Variants in DLD observed in about 807,000 individuals in gnomAD.
The protein encoded by DLD is dihydrolipoyl dehydrogenase, mitochondrial.
In DLD, 36 loss-of-function variants were observed where a neutral mutation model predicts 62.2. The ratio of observed to expected loss-of-function variants is 0.58; its 90% CI spans 0.44 to 0.76. The LOEUF is 0.76. Among genes scored for constraint, DLD ranks in the 30% least tolerant of loss-of-function variants. The pLI is 0.00. For synonymous variants in DLD, 204 were observed against 199.6 expected (o/e 1.02, Z -0.19); for missense variants, 541 against 608.6 (o/e 0.89, Z 1.17).
rs151191365 is a variant in DLD at position 107,893,213 on chromosome 7, A to G, written c.53A>G (p.Asn18Ser). 5.0e-5 allele frequency: 81 copies of G among 1,613,666 alleles called. No individual in the cohort carries two copies. The highest frequency in any genetic ancestry group is 5.9e-5 in the Non-Finnish European group (70 of 1,179,722). The change falls in exon 2 of 14, where the codon AAT (asparagine) becomes AGT (serine). Residue 18 changes from asparagine to serine, a missense_variant. Asn to Ser is a conservative substitution (Grantham distance 46). Transcript: ENST00000205402. ...TTCTTTTTCTAGAGAGGCCATTTCA[A>G]TCGAATATCTCATGGCCTACAGGGA... is the stretch of plus-strand genomic sequence containing the variant. ...YCSLAKRGHF[N>S]RISHGLQGLS...
intron 1 of DLD, chr7:107,891,563 C>A (rs766899704): frequency 5.1e-6 from 3 of 587,166 alleles, no homozygotes; most frequent in Non-Finnish European, 9.1e-6. Context: ...ACCCCCAAGC[C>A]TGGGCCGAGG....
At chr7:107,894,880 G>T (rs988235820) in intron 2 of DLD, among the ~76,000 whole-genome samples, 1 of 152,198 alleles carries the variant, frequency 6.6e-6, no homozygotes, top group Non-Finnish European at 1.5e-5. Context: ...TTTATCTGAG[G>T]TACATGCTTA....
intron 2 of DLD, among the ~76,000 whole-genome samples, chr7:107,899,805 A>G (rs1446691093): frequency 6.6e-6 from 1 of 151,252 alleles, no homozygotes; most frequent in Non-Finnish European, 1.5e-5. Context: ...TTTTTTTTTT[A>G]ATTTTGCTTT....
intron 8 of DLD, among the ~76,000 whole-genome samples, chr7:107,907,421 T>C (rs2032034440): frequency 6.6e-6 from 1 of 152,224 alleles, no homozygotes; most frequent in Non-Finnish European, 1.5e-5. Flanking sequence ...AAATCTCTGC[T>C]TGTATACTGT....
intron 1 of DLD, 163 bp downstream of exon 1, chr7:107,891,452 C>G (rs993856123): frequency 2.6e-6 from 2 of 755,052 alleles, no homozygotes; most frequent in African/African-American, 3.5e-5. Context: ...CCCTGGGCTC[C>G]GAGGTGGCCG....
At chr7:107,902,026 C>G (rs926669922) in intron 3 of DLD, among the ~76,000 whole-genome samples, 28 of 152,054 alleles carry the variant, frequency 1.8e-4, no homozygotes, top group Admixed American at 1.6e-3. Context: ...TCTTCTCTTC[C>G]CAGTACTTTT....
rs2116150112 is a variant in DLD at position 107,891,268 on chromosome 7, T to C, written c.18T>C (p.Arg6=). The C allele has an allele frequency of 6.2e-7, 1 of 1,614,086 alleles. No individual in the cohort carries two copies. The highest frequency in any genetic ancestry group is 1.6e-4 in the Middle Eastern group (1 of 6,062). The part of the protein sequence containing the change: MQSWS[R]VYCSLAKRGH... ...GCGGAAAAATGCAGAGCTGGAGTCG[T>C]GTGTACTGCTCCTTGGCCAAGGTGA... Residue 6 remains arginine (R), a synonymous_variant, in exon 1 of 14, where the codon CGT becomes CGC. Coordinates refer to ENST00000205402, the MANE Select transcript of DLD (RefSeq NM_000108.5).
At position 107,920,909 on chromosome 7, in the gene DLD, G is replaced by C. The variant is rs1014744608; in HGVS notation, c.*1650G>C. The C allele has an allele frequency of 3.9e-5, 6 of 152,326 alleles. No individual in the cohort carries two copies. The highest frequency in any genetic ancestry group is 8.8e-5 in the Non-Finnish European group (6 of 68,052). 9.4% of individuals were successfully genotyped at this position (152,326 alleles called of 1,614,324 possible). On this transcript the variant is annotated 3_prime_UTR_variant, in exon 14 of 14. Transcript: ENST00000205402. The stretch of plus-strand genomic sequence containing the variant: ...GAGTTTGCAGTTGCTATCAGCAGGA[G>C]GGTTGGTCTGATATCTGTGTGCTAC...
At chr7:107,892,531 C>CAATTTATTTA (rs1562908951) in intron 1 of DLD, among the ~76,000 whole-genome samples, 136 of 149,706 alleles carry the variant, frequency 9.1e-4, no homozygotes, top group African/African-American at 3.2e-3. Context: ...ACTTTCAGAG[C>CAATTTATTTA]TTTATTTATT....
chr7:107,920,072 C>A lies in DLD; in HGVS notation c.*813C>A, dbSNP rs1332868229. Reference sequence around the variant, plus strand: ...CTAGGCCTGAATGTATCTTTATTTTCATGTTATAGGACAATATTAAGGCAT... The same window carrying A: ...CTAGGCCTGAATGTATCTTTATTTTAATGTTATAGGACAATATTAAGGCAT... On this transcript the variant is annotated 3_prime_UTR_variant, in exon 14 of 14. Transcript: ENST00000205402. 1.3e-5 allele frequency: 2 copies of A among 152,108 alleles called. No homozygotes were observed. Among genetic ancestry groups the A allele is most frequent in the Non-Finnish European group, 2.9e-5 (2 of 67,994 alleles). The allele number at this position is 152,108 out of a possible 1,614,324, so 9.4% of individuals were successfully genotyped here.
At chr7:107,911,349 T>G (rs924021155) in intron 8 of DLD, among the ~76,000 whole-genome samples, 1 of 152,202 alleles carries the variant, frequency 6.6e-6, no homozygotes, top group Non-Finnish European at 1.5e-5. Context: ...AAATATCTCA[T>G]TCTATGGATA....
At chr7:107,896,734 T>C (rs2031734145) in intron 2 of DLD, among the ~76,000 whole-genome samples, 1 of 152,198 alleles carries the variant, frequency 6.6e-6, no homozygotes, top group Non-Finnish European at 1.5e-5. Flanking sequence ...ATAAACCTTA[T>C]CAAGTAGTTC....
At chr7:107,897,890 A>G (rs894563225) in intron 2 of DLD, among the ~76,000 whole-genome samples, 1 of 152,098 alleles carries the variant, frequency 6.6e-6, no homozygotes, top group African/African-American at 2.4e-5. Context: ...TTGTAATTAT[A>G]TTGATGATTA....
intron 9 of DLD, 114 bp downstream of exon 9, chr7:107,915,810 A>G: frequency 1.2e-6 from 1 of 847,156 alleles, no homozygotes; most frequent in South Asian, 1.5e-5. Flanking sequence ...AGGTCATTTT[A>G]TTACTTAATA....
At chr7:107,909,912 T>G (rs1378408154) in intron 8 of DLD, among the ~76,000 whole-genome samples, 1 of 149,626 alleles carries the variant, frequency 6.7e-6, no homozygotes, top group African/African-American at 2.5e-5. Flanking sequence ...AGTGGCATGA[T>G]CTCGGCTCAC....
At chr7:107,913,348 A>G (rs998770474) in intron 8 of DLD, among the ~76,000 whole-genome samples, 1 of 152,050 alleles carries the variant, frequency 6.6e-6, no homozygotes, top group African/African-American at 2.4e-5. Flanking sequence ...CATTTTAACG[A>G]TATTAATTTT....
At chr7:107,891,801 T>G (rs888763049) in intron 1 of DLD, among the ~76,000 whole-genome samples, 5 of 152,226 alleles carry the variant, frequency 3.3e-5, no homozygotes, top group African/African-American at 1.2e-4. Context: ...CTTGTCAGTG[T>G]TGGCAGCTTT....
intron 7 of DLD, among the ~76,000 whole-genome samples, chr7:107,905,921 G>A (rs562848466): frequency 2.0e-5 from 3 of 152,088 alleles, no homozygotes; most frequent in South Asian, 2.1e-4. Context: ...GACCCCCCTT[G>A]GATACCAAAA....
rs541340949 is a variant in DLD, at chr7:107,894,144, A to G, written c.118+866A>G. On this transcript the variant is annotated intron_variant, in intron 2 of 13. Transcript: ENST00000205402. ...ATGCATTTTATTTTTTTAAGTATTT[A>G]AAACAGAAAGTTAATAGGATTATAT... is the stretch of plus-strand genomic sequence containing the variant. 8.5e-5 allele frequency among the ~76,000 whole-genome samples: 13 copies of G among 152,338 alleles called. No individual in the cohort carries two copies. In the South Asian group the frequency reaches 2.1e-3, roughly 24 times the overall value.
Sources: gnomAD v4.1 joint callset for allele counts (sites outside exome capture counted in the v4.1 genomes callset) on GRCh38, gnomAD v4.1.1 for gene constraint, MANE v1.5 for transcripts, NCBI Gene and HGNC (gene_info 2026-07-23, HGNC 2026-07-21) for gene names.